Variants in CD48 observed in about 807,000 individuals in gnomAD.
CD48 encodes the protein CD48 antigen.
A neutral mutation model predicts 22.0 loss-of-function variants in CD48; 20 were observed. The observed-to-expected ratio is 0.91, with a 90% confidence interval of 0.64 to 1.32. The LOEUF (loss-of-function observed/expected upper bound fraction) is 1.32. CD48 is among the 40% of genes most tolerant of loss of function. The pLI, the probability that CD48 is intolerant of heterozygous loss-of-function variation, is 0.00. For synonymous variants in CD48, 110 were observed against 110.1 expected (o/e 1.00, Z 0.01); for missense variants, 307 against 286.5 (o/e 1.07, Z -0.52).
At chr1:160,695,824 G>C (rs1558035641) in intron 1 of CD48, among the ~76,000 whole-genome samples, 1 of 152,136 alleles carries the variant, frequency 6.6e-6, no homozygotes, top group Admixed American at 6.6e-5. Context: ...TCACAGTACA[G>C]TTAAGACTTT....
intron 1 of CD48, among the ~76,000 whole-genome samples, chr1:160,707,473 T>TTCCC (rs1662828471): frequency 6.6e-6 from 1 of 152,104 alleles, no homozygotes; most frequent in Non-Finnish European, 1.5e-5. Context: ...GCACAGGTCT[T>TTCCC]GACTGGGAGG....
Position 160,691,123 on chromosome 1 carries a change from C to T in CD48, c.83-5934G>A, listed in dbSNP as rs184618650. 2.6e-4 allele frequency among the ~76,000 whole-genome samples: 40 copies of T among 152,262 alleles called. No individual in the cohort carries two copies. In the East Asian group the frequency reaches 7.7e-3, roughly 29 times the overall value. On this transcript the variant is annotated intron_variant, in intron 1 of 3. Coordinates refer to ENST00000368046, the MANE Select transcript of CD48 (RefSeq NM_001778.4). ...CTGCCTAGGAAAGCCAGGTATTGTCCAAGGTTTCTCCCCATGTGATAGTCT... is the reference window on the plus strand; with the variant it reads ...CTGCCTAGGAAAGCCAGGTATTGTCTAAGGTTTCTCCCCATGTGATAGTCT...
At chr1:160,688,563 G>A (rs921180822) in intron 1 of CD48, among the ~76,000 whole-genome samples, 3 of 152,212 alleles carry the variant, frequency 2.0e-5, no homozygotes, top group African/African-American at 7.2e-5. Context: ...CAGGTTGGAG[G>A]TAAGTAAAGC....
chr1:160,711,059 C>T (rs34942450), intron 1 of CD48, among the ~76,000 whole-genome samples: 2,335 of 152,232 alleles, frequency 0.015, 21 homozygotes, highest in Middle Eastern at 0.041. Context: ...GGTCACACAC[C>T]GGGGACCGAA....
chr1:160,703,447 A>T (rs943496859), intron 1 of CD48, among the ~76,000 whole-genome samples: 13 of 152,064 alleles, frequency 8.5e-5, no homozygotes, highest in Non-Finnish European at 1.3e-4. Flanking sequence ...GCTGTAGTGG[A>T]TGGGGGATGG....
At position 160,681,013 on chromosome 1, in the gene CD48, G is replaced by T. The variant is rs561529017; in HGVS notation, c.652+189C>A. ...GGTGAGAACACTGAGCCCCCACGAA[G>T]TTGAGGTAAGCTGGCTGGGAGGTGG... On this transcript the variant is annotated intron_variant, in intron 3 of 3. Coordinates refer to ENST00000368046, the MANE Select transcript of CD48 (RefSeq NM_001778.4). 5.7e-3 allele frequency: 8,305 copies of T among 1,462,780 alleles called. 323 individuals carry two copies. The African/African-American group carries it at 0.09, about 16-fold the overall frequency. The allele number at this position is 1,462,780 out of a possible 1,614,324, so 90.6% of individuals were successfully genotyped here. A position where few individuals can be genotyped will look rare whatever the true frequency, so the allele number is the denominator to read the frequency against.
At chr1:160,702,259 G>A (rs1383212846) in intron 1 of CD48, among the ~76,000 whole-genome samples, 2 of 152,094 alleles carry the variant, frequency 1.3e-5, no homozygotes, top group Non-Finnish European at 2.9e-5. Flanking sequence ...AAATTTAGAG[G>A]AATAGTACTA....
At chr1:160,683,569 G>GT (rs762693455) in intron 2 of CD48, 2 of 144,970 alleles carry the variant, frequency 1.4e-5, no homozygotes, top group Admixed American at 7.0e-5. Flanking sequence ...GAACACCACT[G>GT]TAAGAGACCT....
intron 1 of CD48, among the ~76,000 whole-genome samples, chr1:160,694,062 GA>G (rs1374525325): frequency 6.6e-6 from 1 of 152,256 alleles, no homozygotes; most frequent in Non-Finnish European, 1.5e-5. Context: ...CTAATCTTGG[GA>G]AGATCACGTC....
intron 1 of CD48, among the ~76,000 whole-genome samples, chr1:160,689,487 T>C (rs1470101724): frequency 6.6e-6 from 1 of 152,114 alleles, no homozygotes; most frequent in East Asian, 1.9e-4. Flanking sequence ...TAAGTGAGAT[T>C]GAGTGCTGAA....
At chr1:160,686,819 T>C (rs1481427309) in intron 1 of CD48, 1 of 152,042 alleles carries the variant, frequency 6.6e-6, no homozygotes, top group Non-Finnish European at 1.5e-5. Context: ...GGTATTAGAA[T>C]ACCATAAGGC....
At position 160,681,434 on chromosome 1, in the gene CD48, C is replaced by G. The variant is rs369732710; in HGVS notation, c.420G>C (p.Lys140Asn). 7 of 1,613,958 alleles carry G rather than the reference C, an allele frequency of 4.3e-6. No homozygotes were observed. The highest frequency in any genetic ancestry group is 3.3e-5 in the Admixed American group (2 of 60,010). ...AACAGTTGTCATCCATGTCTTCTAT[C>G]TTCTCAATTTTGATGACAGGCTTGG... ...PVPKPVIKIE[K>N]IEDMDDNCYL... Residue 140 changes from lysine to asparagine, a missense_variant, in exon 3 of 4, where the codon AAG (lysine) becomes AAC (asparagine). Physicochemically the swap from Lys to Asn is moderately conservative, Grantham distance 94. Coordinates refer to ENST00000368046, the MANE Select transcript of CD48 (RefSeq NM_001778.4).
Position 160,685,000 on chromosome 1 carries a change from C to T in CD48, c.272G>A (p.Ser91Asn), listed in dbSNP as rs1200509561. The T allele has an allele frequency of 3.1e-6, 5 of 1,614,066 alleles. No homozygotes were observed. The highest frequency in any genetic ancestry group is 4.2e-6 in the Non-Finnish European group (5 of 1,180,020). ...FKGRVRLDPQ[S>N]GALYISKVQK... is the part of the protein sequence containing the mutation. Reference sequence around the variant, plus strand: ...GACCTTAGAGATGTACAGTGCGCCACTCTGAGGATCAAGTCTGACCCTGCC... The same window carrying T: ...GACCTTAGAGATGTACAGTGCGCCATTCTGAGGATCAAGTCTGACCCTGCC... Residue 91 changes from serine to asparagine, a missense_variant, in exon 2 of 4, where the codon AGT (serine) becomes AAT (asparagine). Ser to Asn is a conservative substitution (Grantham distance 46). Coordinates refer to ENST00000368046, the MANE Select transcript of CD48 (RefSeq NM_001778.4).
intron 1 of CD48, among the ~76,000 whole-genome samples, chr1:160,701,174 AT>A (rs1334568842): frequency 1.6e-5 from 1 of 61,214 alleles, no homozygotes; most frequent in Non-Finnish European, 3.9e-5. Flanking sequence ...GTAAAGCAAT[AT>A]AAAAAAAAAT....
intron 3 of CD48, chr1:160,680,886 GTCTAC>G: frequency 7.3e-7 from 1 of 1,378,410 alleles, no homozygotes; most frequent in Non-Finnish European, 9.4e-7. Context: ...TGATGTTTCA[GTCTAC>G]TCTATGATGA....
intron 1 of CD48, among the ~76,000 whole-genome samples, chr1:160,706,072 CTT>C (rs1491159179): frequency 6.6e-6 from 1 of 151,798 alleles, no homozygotes; most frequent in East Asian, 1.9e-4. Flanking sequence ...AGACAGATCA[CTT>C]ATATATATAT....
intron 1 of CD48, among the ~76,000 whole-genome samples, chr1:160,689,250 C>A (rs529309555): frequency 6.6e-6 from 1 of 152,158 alleles, no homozygotes; most frequent in Non-Finnish European, 1.5e-5. Context: ...GCAGTGCCTT[C>A]TTCTCCTGGT....
chr1:160,679,001 C>T lies in CD48; in HGVS notation c.*51G>A. The T allele has an allele frequency of 7.4e-7, 1 of 1,354,964 alleles. No homozygotes were observed. Among genetic ancestry groups the T allele is most frequent in the Non-Finnish European group, 1.1e-6 (1 of 943,772 alleles). The allele number at this position is 1,354,964 out of a possible 1,614,324, so 83.9% of individuals were successfully genotyped here. ...TCCTGGTGAGGAGCATGATCACCAA[C>T]AGGCAAGATCTTCTGGCCTTGAAGT... On this transcript the variant is annotated 3_prime_UTR_variant, in exon 4 of 4. Transcript: ENST00000368046.
In CD48 at chr1:160,681,417, T is replaced by C. The variant is rs1337740686; in HGVS notation, c.437A>G (p.Asp146Gly). The stretch of plus-strand genomic sequence containing the variant: ...ACATGACAGTTTCAGATAACAGTTG[T>C]CATCCATGTCTTCTATCTTCTCAAT... ...IKIEKIEDMDDNCYLKLSCVI... is the reference protein window; with the variant it reads ...IKIEKIEDMDGNCYLKLSCVI... The change falls in exon 3 of 4, where the codon GAC becomes GGC. Residue 146 changes from aspartate (D) to glycine (G), a missense_variant. Physicochemically the swap from Asp to Gly is moderately conservative, Grantham distance 94 (BLOSUM62 -1). Transcript: ENST00000368046. 4 of 1,614,144 alleles carry C rather than the reference T, an allele frequency of 2.5e-6. No homozygotes were observed. The highest frequency in any genetic ancestry group is 2.5e-6 in the Non-Finnish European group (3 of 1,179,972).
Sources: gnomAD v4.1 joint callset for allele counts (sites outside exome capture counted in the v4.1 genomes callset) on GRCh38, gnomAD v4.1.1 for gene constraint, MANE v1.5 for transcripts, NCBI Gene and HGNC (gene_info 2026-07-23, HGNC 2026-07-21) for gene names.